MYOM2: variants seen among roughly 807,000 people sequenced by gnomAD.
The protein encoded by MYOM2 is myomesin 2.
A neutral mutation model predicts 187.6 loss-of-function variants in MYOM2; 254 were observed. That is an observed-to-expected ratio of 1.35 (90% CI 1.22 to 1.50). The LOEUF is 1.50. MYOM2 is among the 40% of genes most tolerant of loss of function. MYOM2 has a pLI of 0.00. For missense variants in MYOM2, 2,796 were observed against 1,924.0 expected, an observed-to-expected ratio of 1.45 and a Z score of -8.48; for synonymous variants, 981 against 753.8, an observed-to-expected ratio of 1.30 and a Z score of -4.94.
intron 6 of MYOM2, among the ~76,000 whole-genome samples, chr8:2,061,042 G>T (rs1012633278): frequency 2.6e-5 from 4 of 152,130 alleles, no homozygotes; most frequent in African/African-American, 4.8e-5. Context: ...CATCCCTGGG[G>T]ATGGAGGGCT....
rs116960236 is a variant in MYOM2 at position 2,070,709 on chromosome 8, C to A, written c.793+1212C>A. ...CCATGGAAGAATGCTCATGTGTTCA[C>A]CACCCGTGTTTGACAGAGGGAAATA... On this transcript the variant is annotated intron_variant, in intron 8 of 36. Coordinates refer to ENST00000262113, the MANE Select transcript of MYOM2 (RefSeq NM_003970.4). Among the ~76,000 whole-genome samples the A allele has an allele frequency of 1.2e-3, 179 of 152,350 alleles. 2 individuals carry two copies. The East Asian group carries it at 0.024, about 21-fold the overall frequency.
chr8:2,140,955 G>C (rs1798254349), intron 33 of MYOM2, 69 bp downstream of exon 33: 2 of 1,480,564 alleles, frequency 1.4e-6, no homozygotes, highest in African/African-American at 1.4e-5. Flanking sequence ...TGAAGGGAGG[G>C]AATACAATAT....
rs905273503 is a variant in MYOM2, at chr8:2,069,622, C to T, written c.793+125C>T. 17 of 1,237,314 alleles carry T rather than the reference C, an allele frequency of 1.4e-5. No individual in the cohort carries two copies. The African/African-American group carries it at 2.3e-4, about 16-fold the overall frequency. The allele number at this position is 1,237,314 out of a possible 1,614,324, so 76.6% of individuals were successfully genotyped here. ...TTTGAGACGGAGTCTCACTCTGTCA[C>T]CCAGGCTGGAGTGCAGTGGTGCCAT... On this transcript the variant is annotated intron_variant, in intron 8 of 36. Transcript: ENST00000262113.
intron 6 of MYOM2, among the ~76,000 whole-genome samples, chr8:2,062,146 G>A (rs939348674): frequency 2.6e-5 from 4 of 152,200 alleles, no homozygotes; most frequent in African/African-American, 9.6e-5. Context: ...TGGGCTGGGG[G>A]GTTGGCAGGG....
intron 3 of MYOM2, among the ~76,000 whole-genome samples, chr8:2,053,456 A>G (rs1370193701): frequency 6.6e-6 from 1 of 152,190 alleles, no homozygotes; most frequent in African/African-American, 2.4e-5. Flanking sequence ...TGAGCTTATC[A>G]TTTTATTTTT....
At chr8:2,082,422 G>A (rs994082178) in intron 13 of MYOM2, among the ~76,000 whole-genome samples, 2 of 151,858 alleles carry the variant, frequency 1.3e-5, no homozygotes, top group African/African-American at 4.8e-5. Flanking sequence ...CATTGCTTTA[G>A]CTAGAAAATA....
intron 21 of MYOM2, among the ~76,000 whole-genome samples, chr8:2,105,481 G>A (rs1293000146): frequency 6.6e-6 from 1 of 152,146 alleles, no homozygotes; most frequent in East Asian, 1.9e-4. Context: ...AACAAGACAA[G>A]GCAAGGCCCC....
At chr8:2,086,727 C>G (rs906919687) in intron 14 of MYOM2, among the ~76,000 whole-genome samples, 1 of 152,230 alleles carries the variant, frequency 6.6e-6, no homozygotes, top group Non-Finnish European at 1.5e-5. Context: ...TCTGGGCGCC[C>G]GCGTTCTTCA....
In MYOM2 at chr8:2,100,911, G is replaced by T. The variant is rs1185851126; in HGVS notation, c.2476G>T (p.Asp826Tyr). The T allele has an allele frequency of 2.5e-6, 4 of 1,614,190 alleles. No homozygotes were observed. The highest frequency in any genetic ancestry group is 2.7e-5 in the African/African-American group (2 of 75,040). Residue 826 changes from aspartate to tyrosine, a missense_variant, in exon 20 of 37, where the codon GAC becomes TAC. Physicochemically the swap from Asp to Tyr is radical, Grantham distance 160. Coordinates refer to ENST00000262113, the MANE Select transcript of MYOM2 (RefSeq NM_003970.4). ...AYDLTFCEVR[D>Y]TSLVMLWKAP... ...CGACTTGACGTTCTGTGAGGTCAGG[G>T]ACACGTCCTTGGTCATGCTGTGGAA...
chr8:2,063,036 AT>A (rs777947833), intron 6 of MYOM2, among the ~76,000 whole-genome samples: 9 of 152,176 alleles, frequency 5.9e-5, no homozygotes, highest in Non-Finnish European at 1.2e-4. Flanking sequence ...ATGGACTTGG[AT>A]TTTGCTTGCA....
In MYOM2 at chr8:2,078,875, C is replaced by T. The variant is rs201438219; in HGVS notation, c.1404C>T (p.Pro468=). 1 of 1,614,082 alleles carries T rather than the reference C, an allele frequency of 6.2e-7. No individual in the cohort carries two copies. Residue 468 remains proline, a synonymous_variant, in exon 12 of 37, where the codon CCC becomes CCT. Transcript: ENST00000262113. The part of the protein sequence containing the change: ...RAVNSAGISR[P]SRVSDAVAAL... ...TGAACAGTGCGGGCATCAGCCGACC[C>T]TCCAGGGTCTCTGATGCGGTGGCTG... is the stretch of plus-strand genomic sequence containing the variant.
intron 5 of MYOM2, among the ~76,000 whole-genome samples, chr8:2,058,546 T>C (rs4639543): frequency 0.27 from 41,570 of 152,138 alleles, 6,616 homozygotes; most frequent in Non-Finnish European, 0.36. Flanking sequence ...AGACCCTTTT[T>C]GTATCAACAT....
chr8:2,111,337 T>C (rs1797061550), intron 25 of MYOM2, among the ~76,000 whole-genome samples: 1 of 152,238 alleles, frequency 6.6e-6, no homozygotes, highest in South Asian at 2.1e-4. Context: ...TGCTGCATAA[T>C]GGCATTAGCA....
intron 20 of MYOM2, among the ~76,000 whole-genome samples, chr8:2,101,455 C>G (rs911530611): frequency 2.0e-5 from 3 of 152,252 alleles, no homozygotes; most frequent in African/African-American, 7.2e-5. Context: ...CTGTTGATCT[C>G]TGCGCAAGCC....
intron 10 of MYOM2, among the ~76,000 whole-genome samples, chr8:2,074,149 G>T (rs1474856647): frequency 6.6e-6 from 1 of 152,128 alleles, no homozygotes; most frequent in Non-Finnish European, 1.5e-5. Context: ...GTGATATACA[G>T]ATATATATAT....
chr8:2,097,108 C>T lies in MYOM2; in HGVS notation c.2313+674C>T, dbSNP rs1585899240. On this transcript the variant is annotated intron_variant, in intron 18 of 36. Coordinates refer to ENST00000262113, the MANE Select transcript of MYOM2 (RefSeq NM_003970.4). ...GGAGCCACAGACCTCAGGGGAGTCA[C>T]TTACACTCCAACAGGAGGGCTTTCT... 3 of 981,920 alleles carry T rather than the reference C, an allele frequency of 3.1e-6. No individual in the cohort carries two copies. The East Asian group carries it at 3.4e-4, about 111-fold the overall frequency. The allele number at this position is 981,920 out of a possible 1,614,324, so 60.8% of individuals were successfully genotyped here. A position where few individuals can be genotyped will look rare whatever the true frequency, so the allele number is the denominator to read the frequency against.
At chr8:2,108,938 G>C in intron 24 of MYOM2, 108 bp downstream of exon 24, 1 of 1,056,530 alleles carries the variant, frequency 9.5e-7, no homozygotes, top group East Asian at 2.4e-5. Flanking sequence ...AGGATGGCCT[G>C]ATTTCCTGAT....
At position 2,073,433 on chromosome 8, in the gene MYOM2, C is replaced by T; in HGVS notation, c.1053C>T (p.Gly351=). 1 of 1,612,762 alleles carries T rather than the reference C, an allele frequency of 6.2e-7. No homozygotes were observed. The highest frequency in any genetic ancestry group is 8.5e-7 in the Non-Finnish European group (1 of 1,179,848). Residue 351 remains glycine, a synonymous_variant, in exon 10 of 37, where the codon GGC becomes GGT. Coordinates refer to ENST00000262113, the MANE Select transcript of MYOM2 (RefSeq NM_003970.4). ...GCCACCTGCACAAGGACGACGAGGG[C>T]CTGTACACCCTGCGCATCGTGTCTC... ...SFSHLHKDDE[G]LYTLRIVSRG...
intron 1 of MYOM2, among the ~76,000 whole-genome samples, chr8:2,045,807 G>T (rs921616440): frequency 6.6e-6 from 1 of 152,194 alleles, no homozygotes; most frequent in South Asian, 2.1e-4. Context: ...TTCTCAGGGC[G>T]TGCTCTTGAA....
Sources: gnomAD v4.1 joint callset for allele counts (sites outside exome capture counted in the v4.1 genomes callset) on GRCh38, gnomAD v4.1.1 for gene constraint, MANE v1.5 for transcripts, NCBI Gene and HGNC (gene_info 2026-07-23, HGNC 2026-07-21) for gene names.